CAMTA1: variants seen among roughly 807,000 people sequenced by gnomAD.
CAMTA1 encodes the protein calmodulin-binding transcription activator 1.
CAMTA1 carries 27 observed loss-of-function variants against 170.9 expected under a neutral mutation model. That is an observed-to-expected ratio of 0.16 (90% CI 0.12 to 0.22). The LOEUF is 0.22. CAMTA1 is among the 10% of genes least tolerant of loss of function. The pLI is 1.00. For missense variants in CAMTA1, 1,619 were observed against 2,217.2 expected, an observed-to-expected ratio of 0.73 and a Z score of 5.42; for synonymous variants, 833 against 891.5, an observed-to-expected ratio of 0.93 and a Z score of 1.17.
chr1:7,402,905 A>G (rs2090011301), intron 5 of CAMTA1, among the ~76,000 whole-genome samples: 1 of 152,232 alleles, frequency 6.6e-6, no homozygotes, highest in South Asian at 2.1e-4. Flanking sequence ...CACAGCAGGA[A>G]TGGGGCACGC....
At chr1:7,035,045 A>T (rs1455008844) in intron 3 of CAMTA1, among the ~76,000 whole-genome samples, 1 of 152,216 alleles carries the variant, frequency 6.6e-6, no homozygotes, top group Non-Finnish European at 1.5e-5. Context: ...GAAGTGTTTT[A>T]AAAGCACATT....
intron 3 of CAMTA1, among the ~76,000 whole-genome samples, chr1:7,070,330 G>A (rs535577944): frequency 1.3e-5 from 2 of 152,368 alleles, no homozygotes; most frequent in South Asian, 4.1e-4. Flanking sequence ...TGAATATGCA[G>A]CAGCCACATC....
intron 5 of CAMTA1, among the ~76,000 whole-genome samples, chr1:7,252,847 C>T (rs1666834307): frequency 1.3e-5 from 2 of 152,164 alleles, no homozygotes; most frequent in South Asian, 4.1e-4. Context: ...TCCCTCAGGC[C>T]AGGAAAACTT....
chr1:7,122,936 G>T (rs1263301959), intron 4 of CAMTA1, among the ~76,000 whole-genome samples: 1 of 152,162 alleles, frequency 6.6e-6, no homozygotes, highest in African/African-American at 2.4e-5. Context: ...AAGTCAAGGC[G>T]CTCTGTAAAA....
intron 3 of CAMTA1, among the ~76,000 whole-genome samples, chr1:6,854,426 A>C (rs1368027089): frequency 1.3e-5 from 2 of 152,320 alleles, no homozygotes; most frequent in African/African-American, 4.8e-5. Flanking sequence ...GTGTAAGTAC[A>C]TTGTCATCTT....
chr1:7,385,141 G>A (rs1337081241), intron 5 of CAMTA1, among the ~76,000 whole-genome samples: 1 of 149,874 alleles, frequency 6.7e-6, no homozygotes, highest in African/African-American at 2.5e-5. Context: ...CCAGGCTAGA[G>A]TGCAGTGGCG....
At chr1:7,489,193 T>A (rs1463380793) in intron 6 of CAMTA1, among the ~76,000 whole-genome samples, 2 of 152,262 alleles carry the variant, frequency 1.3e-5, no homozygotes, top group Non-Finnish European at 2.9e-5. Context: ...GGGGCCATGA[T>A]GCCTGCCGCC....
chr1:7,643,523 C>T (rs2095782265), intron 7 of CAMTA1, among the ~76,000 whole-genome samples: 1 of 152,240 alleles, frequency 6.6e-6, no homozygotes, highest in African/African-American at 2.4e-5. Flanking sequence ...AGCTGCCCAT[C>T]CATCAGACAG....
chr1:7,601,005 C>T (rs1485617018), intron 6 of CAMTA1, among the ~76,000 whole-genome samples: 2 of 152,206 alleles, frequency 1.3e-5, no homozygotes, highest in Non-Finnish European at 2.9e-5. Flanking sequence ...GAGTACACCT[C>T]CCAGATGGGG....
In CAMTA1 at chr1:7,601,346, C is replaced by G. The variant is rs1009623274; in HGVS notation, c.511-39054C>G. On this transcript the variant is annotated intron_variant, in intron 6 of 22. Coordinates refer to ENST00000303635, the MANE Select transcript of CAMTA1 (RefSeq NM_015215.4). ...GACGCTCCTCACATCCCAGACGGGG[C>G]GGCAGGGCAGAGGCGCTCCCCACAT... Among the ~76,000 whole-genome samples the G allele has an allele frequency of 5.3e-3, 792 of 149,328 alleles. 7 individuals carry two copies. Among genetic ancestry groups the G allele is most frequent in the African/African-American group, 0.018 (739 of 40,424 alleles).
chr1:7,718,820 G>C (rs1458516729), intron 11 of CAMTA1, among the ~76,000 whole-genome samples: 2 of 147,112 alleles, frequency 1.4e-5, no homozygotes, highest in East Asian at 4.0e-4. Context: ...GCCTCCCAAA[G>C]TGCTGGGATT....
intron 4 of CAMTA1, among the ~76,000 whole-genome samples, chr1:7,186,894 T>G (rs546357152): frequency 1.3e-5 from 2 of 152,230 alleles, no homozygotes; most frequent in South Asian, 4.1e-4. Flanking sequence ...TTCAGGAGTC[T>G]TCCCGGCGGG....
At chr1:7,466,042 A>G (rs1251125828) in intron 5 of CAMTA1, among the ~76,000 whole-genome samples, 1 of 152,224 alleles carries the variant, frequency 6.6e-6, no homozygotes, top group Non-Finnish European at 1.5e-5. Context: ...TTGGCTCATC[A>G]CATGAGTCAA....
Position 7,251,671 on chromosome 1 carries a change from C to T in CAMTA1, c.438+2045C>T, listed in dbSNP as rs542906797. Among the ~76,000 whole-genome samples, 177 of 152,240 alleles carry T rather than the reference C, an allele frequency of 1.2e-3. No homozygotes were observed. Among genetic ancestry groups the T allele is most frequent in the African/African-American group, 4.0e-3 (168 of 41,554 alleles). On this transcript the variant is annotated intron_variant, in intron 5 of 22. Coordinates refer to ENST00000303635, the MANE Select transcript of CAMTA1 (RefSeq NM_015215.4). The surrounding 1 kb of genome is among the most constrained non-coding windows in gnomAD (Gnocchi z 5.1). ...AGAACAGGAGTCATATTCTCTGCCC[C>T]ACGGACTCATGGTCAAGTTGAAGAG... is the stretch of plus-strand genomic sequence containing the variant.
chr1:7,572,067 A>T (rs1029364457), intron 6 of CAMTA1, among the ~76,000 whole-genome samples: 1 of 152,010 alleles, frequency 6.6e-6, no homozygotes, highest in Non-Finnish European at 1.5e-5. Flanking sequence ...TGTGGTTTTG[A>T]TTTGCATTTC....
intron 4 of CAMTA1, among the ~76,000 whole-genome samples, chr1:7,097,223 C>T (rs1261175613): frequency 6.6e-6 from 1 of 152,192 alleles, no homozygotes; most frequent in Non-Finnish European, 1.5e-5. Flanking sequence ...GTGGCGGGTT[C>T]CCCAAGGACA....
In CAMTA1 at chr1:7,381,335, T is replaced by C. The variant is rs1575022948; in HGVS notation, c.439-86495T>C. ...CAACCCCACAACAGTCCCCAGAGTG[T>C]GATGTTCCCCTTCCTGTGTCCATGT... is the stretch of plus-strand genomic sequence containing the variant. On this transcript the variant is annotated intron_variant, in intron 5 of 22. Coordinates refer to ENST00000303635, the MANE Select transcript of CAMTA1 (RefSeq NM_015215.4). Among the ~76,000 whole-genome samples, 3 of 133,060 alleles carry C rather than the reference T, an allele frequency of 2.3e-5. No homozygotes were observed. In the South Asian group the frequency reaches 8.4e-4, roughly 37 times the overall value. The allele number at this position is 133,060 out of a possible 152,430, so 87.3% of individuals were successfully genotyped here.
chr1:7,281,799 TTGTGTGTGTGTG>T (rs57489369), intron 5 of CAMTA1, among the ~76,000 whole-genome samples: 2,268 of 139,294 alleles, frequency 0.016, 40 homozygotes, highest in African/African-American at 0.04. Flanking sequence ...GGGAAAGAAA[TTGTGTGTGTGTG>T]TGTGTGTGTG....
intron 5 of CAMTA1, among the ~76,000 whole-genome samples, chr1:7,465,963 A>G (rs1427326019): frequency 6.6e-6 from 1 of 152,218 alleles, no homozygotes; most frequent in African/African-American, 2.4e-5. Flanking sequence ...GTGGGGAAAC[A>G]GCAGATGGAA....
Sources: gnomAD v4.1 joint callset for allele counts (sites outside exome capture counted in the v4.1 genomes callset) on GRCh38, gnomAD v4.1.1 for gene constraint, Gnocchi (gnomAD v3.1) non-coding constraint, MANE v1.5 for transcripts, NCBI Gene and HGNC (gene_info 2026-07-23, HGNC 2026-07-21) for gene names.